The following DOCK10 variants were observed in gnomAD, a reference collection of about 807,000 sequenced individuals.
DOCK10 encodes dedicator of cytokinesis protein 10.
Under a neutral mutation model 280.1 loss-of-function variants are expected in DOCK10, and 145 were observed. That is an observed-to-expected ratio of 0.52 (90% CI 0.45 to 0.59). The LOEUF (loss-of-function observed/expected upper bound fraction) is 0.59. Among genes scored for constraint, DOCK10 ranks in the 20% least tolerant of loss-of-function variants. The pLI is 0.00. For synonymous variants in DOCK10, 915 were observed against 942.2 expected, an observed-to-expected ratio of 0.97 and a Z score of 0.53; for missense variants, 2,368 against 2,651.7, an observed-to-expected ratio of 0.89 and a Z score of 2.35.
At chr2:224,788,059 C>T (rs1037938031) in intron 48 of DOCK10, among the ~76,000 whole-genome samples, 1 of 152,106 alleles carries the variant, frequency 6.6e-6, no homozygotes. Flanking sequence ...CTTTTATTTA[C>T]ATTCCATTCA....
At chr2:224,802,118 T>C (rs1693058204) in intron 39 of DOCK10, 78 bp from the exon 40 acceptor site, 3 of 1,442,596 alleles carry the variant, frequency 2.1e-6, no homozygotes, top group Non-Finnish European at 2.8e-6. Context: ...TTCTCAAATG[T>C]TCTAGATTGA....
intron 3 of DOCK10, among the ~76,000 whole-genome samples, chr2:224,898,534 C>T (rs1700112434): frequency 6.6e-6 from 1 of 152,206 alleles, no homozygotes; most frequent in East Asian, 1.9e-4. Flanking sequence ...TTGCCAATGC[C>T]TGAGCCAATT....
chr2:224,775,795 G>A (rs1374288410), intron 51 of DOCK10, among the ~76,000 whole-genome samples: 1 of 152,192 alleles, frequency 6.6e-6, no homozygotes, highest in Non-Finnish European at 1.5e-5. Flanking sequence ...AGCTTCTTGA[G>A]AGTAATTCAA....
chr2:225,014,065 C>T lies in DOCK10; in HGVS notation c.123+28187G>A, dbSNP rs373211924. ...ATTCAAAAATGTATTCAAAAAATCC[C>T]CAGAAGTCTGAATATATTGTTTTTT... is the stretch of plus-strand genomic sequence containing the variant. On this transcript the variant is annotated intron_variant, in intron 1 of 55. Coordinates refer to ENST00000258390, the MANE Select transcript of DOCK10 (RefSeq NM_014689.3). Among the ~76,000 whole-genome samples, 90 of 143,006 alleles carry T rather than the reference C, an allele frequency of 6.3e-4. No individual in the cohort carries two copies. In the Middle Eastern group the frequency reaches 0.011, roughly 18 times the overall value. The allele number at this position is 143,006 out of a possible 152,430, so 93.8% of individuals were successfully genotyped here. A position where few individuals can be genotyped will look rare whatever the true frequency, so the allele number is the denominator to read the frequency against.
chr2:224,867,948 A>T (rs1027928225), intron 11 of DOCK10, among the ~76,000 whole-genome samples: 2 of 152,202 alleles, frequency 1.3e-5, no homozygotes, highest in African/African-American at 4.8e-5. Context: ...TCCAAATGGG[A>T]TATAGAAAGT....
chr2:224,895,841 G>GTGTATATATA (rs1553607593), intron 4 of DOCK10, among the ~76,000 whole-genome samples: 2 of 136,094 alleles, frequency 1.5e-5, no homozygotes, highest in African/African-American at 6.2e-5. Flanking sequence ...GCGTGTGTGT[G>GTGTATATATA]TATATATATA....
chr2:224,852,273 C>G (rs902767203), intron 18 of DOCK10, 104 bp downstream of exon 18: 4 of 801,200 alleles, frequency 5.0e-6, no homozygotes, highest in African/African-American at 1.7e-5. Flanking sequence ...TATTAAATTA[C>G]TGCTCTTTCA....
chr2:224,880,186 T>G (rs936657604), intron 7 of DOCK10, among the ~76,000 whole-genome samples: 1 of 152,214 alleles, frequency 6.6e-6, no homozygotes, highest in Non-Finnish European at 1.5e-5. Flanking sequence ...TCTTAAAAAT[T>G]TGAGCAAAGT....
intron 22 of DOCK10, among the ~76,000 whole-genome samples, chr2:224,843,614 A>G (rs933725979): frequency 3.3e-5 from 5 of 152,168 alleles, no homozygotes; most frequent in African/African-American, 9.7e-5. Context: ...CATTTTTCTT[A>G]TGGATCAAGT....
At chr2:224,806,766 A>C (rs1237634063) in intron 33 of DOCK10, among the ~76,000 whole-genome samples, 1 of 151,940 alleles carries the variant, frequency 6.6e-6, no homozygotes, top group East Asian at 1.9e-4. Context: ...CACCATGCCC[A>C]GCTAATTTTT....
chr2:224,826,796 A>G (rs1694893732), intron 27 of DOCK10, among the ~76,000 whole-genome samples: 1 of 151,596 alleles, frequency 6.6e-6, no homozygotes, highest in African/African-American at 2.4e-5. Flanking sequence ...TCTATCATCT[A>G]TCAATCATCT....
At chr2:224,915,954 C>T (rs1701286140) in intron 3 of DOCK10, among the ~76,000 whole-genome samples, 1 of 152,234 alleles carries the variant, frequency 6.6e-6, no homozygotes, top group Non-Finnish European at 1.5e-5. Flanking sequence ...GCTATGCGTT[C>T]CCACCCAAAT....
At position 224,778,165 on chromosome 2, in the gene DOCK10, A is replaced by ATTGTCTGCTCCAAAT. The variant is rs1553560921; in HGVS notation, c.5760_5774dup (p.Lys1920_Asp1924dup). 4 of 1,613,438 alleles carry ATTGTCTGCTCCAAAT rather than the reference A, an allele frequency of 2.5e-6. No homozygotes were observed. Among genetic ancestry groups the ATTGTCTGCTCCAAAT allele is most frequent in the Non-Finnish European group, 3.4e-6 (4 of 1,179,694 alleles). On this transcript the variant is annotated inframe_insertion, in exon 51 of 56. Coordinates refer to ENST00000258390, the MANE Select transcript of DOCK10 (RefSeq NM_014689.3). ...TGTTGGAATCCTGGATTATCTTCACATTGTCTGCTCCAAATTTATCTGCAT... is the reference window on the plus strand; with the variant it reads ...TGTTGGAATCCTGGATTATCTTCACATTGTCTGCTCCAAATTTGTCTGCTCCAAATTTATCTGCAT...
At chr2:224,798,586 T>A (rs1188500555) in intron 41 of DOCK10, among the ~76,000 whole-genome samples, 1 of 152,060 alleles carries the variant, frequency 6.6e-6, no homozygotes, top group Non-Finnish European at 1.5e-5. Context: ...ATAATTATGC[T>A]GTTCTGTGTA....
At chr2:224,776,058 A>G (rs924417720) in intron 51 of DOCK10, among the ~76,000 whole-genome samples, 1 of 152,044 alleles carries the variant, frequency 6.6e-6, no homozygotes, top group Admixed American at 6.5e-5. Flanking sequence ...GAGTTTGACA[A>G]ATAGCAAGGA....
chr2:224,946,470 C>T (rs1559836967), intron 1 of DOCK10, among the ~76,000 whole-genome samples: 1 of 152,036 alleles, frequency 6.6e-6, no homozygotes, highest in Non-Finnish European at 1.5e-5. Context: ...TTTAAAAATA[C>T]AACCATATAC....
intron 3 of DOCK10, among the ~76,000 whole-genome samples, chr2:224,905,932 T>C (rs1191736467): frequency 1.3e-5 from 2 of 152,114 alleles, no homozygotes; most frequent in African/African-American, 4.8e-5. Context: ...GTTTAAAGCT[T>C]GAATTTTCAA....
chr2:225,002,902 A>G (rs1456145899), intron 1 of DOCK10, among the ~76,000 whole-genome samples: 1 of 152,214 alleles, frequency 6.6e-6, no homozygotes, highest in East Asian at 1.9e-4. Context: ...GTCGCTCAAC[A>G]CTGCAGAACT....
chr2:224,982,219 G>A (rs1007863438), intron 1 of DOCK10: 11 of 1,231,744 alleles, frequency 8.9e-6, no homozygotes, highest in Non-Finnish European at 1.1e-5. Flanking sequence ...TTATGATGAG[G>A]GTTCTGGGTC....
Sources: gnomAD v4.1 joint callset for allele counts (sites outside exome capture counted in the v4.1 genomes callset) on GRCh38, gnomAD v4.1.1 for gene constraint, MANE v1.5 for transcripts, NCBI Gene and HGNC (gene_info 2026-07-23, HGNC 2026-07-21) for gene names.